Variants in PTPRN2 observed in about 807,000 individuals in gnomAD.
PTPRN2 encodes the protein receptor-type tyrosine-protein phosphatase N2.
Under a neutral mutation model 118.8 loss-of-function variants are expected in PTPRN2, and 74 were observed. The observed-to-expected ratio is 0.62, with a 90% CI of 0.52 to 0.76. The LOEUF is 0.76. Ranked by LOEUF, PTPRN2 falls within the 30% of genes least tolerant of loss-of-function variation. The probability of loss-of-function intolerance (pLI) is 0.00; values close to 1 mark genes in which losing one functional copy is unlikely to be tolerated. For missense variants in PTPRN2, 1,481 were observed against 1,394.4 expected (o/e 1.06, Z -0.99); for synonymous variants, 641 against 608.0 (o/e 1.05, Z -0.80).
In PTPRN2 at chr7:157,977,844, G is replaced by C. The variant is rs897781852; in HGVS notation, c.1724-79107C>G. On this transcript the variant is annotated intron_variant, in intron 11 of 22. Transcript: ENST00000389418. This position sits in a 1 kb window ranked among gnomAD's most constrained non-coding sequence, Gnocchi z 4.6. ...GGGGAGCAGGAAGGGGGATCACCCT[G>C]ACAAGACTGGTGGCAGCTGGGACAA... is the stretch of plus-strand genomic sequence containing the variant. Among the ~76,000 whole-genome samples, 2 of 151,792 alleles carry C rather than the reference G, an allele frequency of 1.3e-5. No individual in the cohort carries two copies. The highest frequency in any genetic ancestry group is 2.9e-5 in the Non-Finnish European group (2 of 67,912).
intron 3 of PTPRN2, among the ~76,000 whole-genome samples, chr7:158,282,797 C>G (rs530610314): frequency 1.3e-5 from 2 of 149,006 alleles, no homozygotes; most frequent in Non-Finnish European, 3.0e-5. Context: ...GGACAGACAG[C>G]TGATCCCTCC....
chr7:158,270,878 ACCTGGATGAC>A (rs1798378242), intron 3 of PTPRN2, among the ~76,000 whole-genome samples: 1 of 15,210 alleles, frequency 6.6e-5, no homozygotes, highest in African/African-American at 2.7e-4. Flanking sequence ...CGCCCCCTCC[ACCTGGATGAC>A]CCCCTCCACC....
chr7:158,533,919 C>A (rs1825439744), intron 1 of PTPRN2, among the ~76,000 whole-genome samples: 1 of 152,350 alleles, frequency 6.6e-6, no homozygotes, highest in African/African-American at 2.4e-5. Context: ...CTCTCCCCAG[C>A]CACCACTGCC....
At chr7:158,477,976 G>T (rs922294309) in intron 2 of PTPRN2, among the ~76,000 whole-genome samples, 3 of 152,236 alleles carry the variant, frequency 2.0e-5, no homozygotes, top group Non-Finnish European at 4.4e-5. Flanking sequence ...GGAGGCACCT[G>T]AAGACAGAGA....
At chr7:158,219,909 C>T (rs562298929) in intron 3 of PTPRN2, among the ~76,000 whole-genome samples, 90 of 151,558 alleles carry the variant, frequency 5.9e-4, no homozygotes, top group Admixed American at 9.2e-4. Context: ...CAAAAAAGCC[C>T]GGAACCAGAC....
intron 1 of PTPRN2, among the ~76,000 whole-genome samples, chr7:158,552,988 G>C (rs550334426): frequency 6.6e-6 from 1 of 151,868 alleles, no homozygotes; most frequent in East Asian, 1.9e-4. Flanking sequence ...AGGCTTGAGA[G>C]TCTACACCAC....
chr7:158,318,175 G>A (rs941673237), intron 2 of PTPRN2, among the ~76,000 whole-genome samples: 11 of 152,300 alleles, frequency 7.2e-5, no homozygotes, highest in Middle Eastern at 3.4e-3. Context: ...TGATGGACAG[G>A]CCGCACCACA....
In PTPRN2 at chr7:157,895,448, C is replaced by G. The variant is rs578176970; in HGVS notation, c.1788+3225G>C. ...ATAAGCCAGAGGATCTGGACGAGAC[C>G]ATAAAATAAGTAGGTTTAAAATGAT... is the stretch of plus-strand genomic sequence containing the variant. On this transcript the variant is annotated intron_variant, in intron 12 of 22. Transcript: ENST00000389418. Among the ~76,000 whole-genome samples the G allele has an allele frequency of 3.3e-5, 5 of 151,946 alleles. No individual in the cohort carries two copies. In the South Asian group the frequency reaches 1.0e-3, roughly 32 times the overall value.
At chr7:157,872,903 C>T (rs977699581) in intron 12 of PTPRN2, among the ~76,000 whole-genome samples, 11 of 152,234 alleles carry the variant, frequency 7.2e-5, no homozygotes, top group Non-Finnish European at 1.3e-4. Flanking sequence ...CACCCATGTC[C>T]GCAGGCCACC....
chr7:158,213,838 A>C (rs1827780144), intron 3 of PTPRN2, among the ~76,000 whole-genome samples: 1 of 152,186 alleles, frequency 6.6e-6, no homozygotes, highest in Non-Finnish European at 1.5e-5. Flanking sequence ...TCAATGGCAC[A>C]AAAAGAACTT....
intron 2 of PTPRN2, among the ~76,000 whole-genome samples, chr7:158,447,758 G>A (rs1817826614): frequency 6.6e-6 from 1 of 152,368 alleles, no homozygotes; most frequent in East Asian, 1.9e-4. Flanking sequence ...CTGCCCCGTA[G>A]CCAGGGAGCT....
chr7:158,552,883 C>T (rs182815523), intron 1 of PTPRN2, among the ~76,000 whole-genome samples: 5 of 152,286 alleles, frequency 3.3e-5, no homozygotes, highest in Admixed American at 1.3e-4. Flanking sequence ...CACTATCCTC[C>T]GTGTCTACAC....
At chr7:158,490,272 T>G (rs1417965246) in intron 1 of PTPRN2, among the ~76,000 whole-genome samples, 1 of 152,020 alleles carries the variant, frequency 6.6e-6, no homozygotes, top group Non-Finnish European at 1.5e-5. Flanking sequence ...GTGGCGTCCG[T>G]GGCCACAGAC....
chr7:157,692,006 C>A (rs1797526233), intron 12 of PTPRN2, among the ~76,000 whole-genome samples: 1 of 152,282 alleles, frequency 6.6e-6, no homozygotes, highest in South Asian at 2.1e-4. Context: ...GTGTACAATG[C>A]GCTCTCCGAG....
chr7:157,559,651 C>A (rs185689201), intron 21 of PTPRN2, among the ~76,000 whole-genome samples: 1 of 152,130 alleles, frequency 6.6e-6, no homozygotes, highest in African/African-American at 2.4e-5. Flanking sequence ...CAGGCAAGTG[C>A]GCAGGCCGGG....
intron 12 of PTPRN2, among the ~76,000 whole-genome samples, chr7:157,691,074 C>G (rs1355963607): frequency 8.6e-6 from 1 of 116,324 alleles, no homozygotes; most frequent in African/African-American, 3.0e-5. Context: ...ATGTCCCCCC[C>G]CCCCCCCACA....
intron 11 of PTPRN2, among the ~76,000 whole-genome samples, chr7:158,061,858 C>T (rs1041850329): frequency 6.6e-6 from 1 of 152,264 alleles, no homozygotes; most frequent in African/African-American, 2.4e-5. Flanking sequence ...TGTGGAAGTG[C>T]CTAATGCCAC....
intron 2 of PTPRN2, among the ~76,000 whole-genome samples, chr7:158,343,989 C>T (rs1200857145): frequency 2.0e-5 from 3 of 152,170 alleles, no homozygotes; most frequent in African/African-American, 7.2e-5. Context: ...CTTCACACTG[C>T]CACACCCCAA....
intron 10 of PTPRN2, among the ~76,000 whole-genome samples, chr7:158,108,348 G>A (rs955519420): frequency 2.6e-5 from 4 of 152,010 alleles, no homozygotes; most frequent in African/African-American, 9.7e-5. Flanking sequence ...CCTCAGGGCT[G>A]CTCTCTCTCA....
Sources: allele counts gnomAD v4.1 joint callset (sites outside exome capture counted in the v4.1 genomes callset), GRCh38; gene constraint gnomAD v4.1.1; non-coding constraint Gnocchi (gnomAD v3.1); transcripts MANE v1.5; gene names NCBI Gene and HGNC (gene_info 2026-07-23, HGNC 2026-07-21).